Variants in ADAMTS19 observed in about 807,000 individuals in gnomAD.
ADAMTS19 encodes ADAM metallopeptidase with thrombospondin type 1 motif 19, also known as A disintegrin and metalloproteinase with thrombospondin motifs 19.
ADAMTS19 carries 93 observed loss-of-function variants against 153.3 expected under a neutral mutation model. The observed-to-expected ratio is 0.61, with a 90% CI of 0.51 to 0.72. The LOEUF is 0.72. Among genes scored for constraint, ADAMTS19 ranks in the 30% least tolerant of loss-of-function variants. ADAMTS19 has a pLI of 0.00. For missense variants in ADAMTS19, 1,482 were observed against 1,552.1 expected (o/e 0.95, Z 0.76); for synonymous variants, 600 against 556.6 (o/e 1.08, Z -1.10).
intron 7 of ADAMTS19, among the ~76,000 whole-genome samples, chr5:129,556,631 A>G (rs1190004456): frequency 6.6e-6 from 1 of 152,192 alleles, no homozygotes; most frequent in East Asian, 1.9e-4. Flanking sequence ...TGGTAGGCCC[A>G]GTGTTGTCAC....
chr5:129,498,153 G>T (rs1750985458), intron 2 of ADAMTS19, among the ~76,000 whole-genome samples: 1 of 151,920 alleles, frequency 6.6e-6, no homozygotes. Context: ...CTTGTATGTA[G>T]GTTTTCCTAA....
chr5:129,679,086 G>A (rs1271457863), intron 16 of ADAMTS19, among the ~76,000 whole-genome samples: 2 of 152,090 alleles, frequency 1.3e-5, no homozygotes, highest in Non-Finnish European at 2.9e-5. Context: ...ATTGTACACA[G>A]ATTAGCTCAA....
chr5:129,644,548 G>T (rs182315330), intron 11 of ADAMTS19, among the ~76,000 whole-genome samples: 1 of 152,100 alleles, frequency 6.6e-6, no homozygotes, highest in Non-Finnish European at 1.5e-5. Flanking sequence ...TTTGAACAAA[G>T]AGGTTTATAT....
intron 2 of ADAMTS19, among the ~76,000 whole-genome samples, chr5:129,485,307 A>G (rs778413717): frequency 6.6e-6 from 1 of 152,212 alleles, no homozygotes; most frequent in Non-Finnish European, 1.5e-5. Context: ...CTTAATGAAA[A>G]TGAGAGCAAA....
At chr5:129,462,016 ACT>A (rs1401438655) in intron 2 of ADAMTS19, among the ~76,000 whole-genome samples, 1 of 150,986 alleles carries the variant, frequency 6.6e-6, no homozygotes, top group Non-Finnish European at 1.5e-5. Flanking sequence ...ACTGCGTGAA[ACT>A]CTGCCTTTTC....
At chr5:129,676,949 T>G (rs975862100) in intron 16 of ADAMTS19, among the ~76,000 whole-genome samples, 1 of 152,146 alleles carries the variant, frequency 6.6e-6, no homozygotes, top group African/African-American at 2.4e-5. Context: ...CTGAAAATAT[T>G]TCTTTACATT....
chr5:129,595,268 C>T (rs1424159684), intron 7 of ADAMTS19, among the ~76,000 whole-genome samples: 1 of 152,010 alleles, frequency 6.6e-6, no homozygotes, highest in African/African-American at 2.4e-5. Flanking sequence ...TTTCCCTAGA[C>T]CATGTGTGCC....
At chr5:129,619,914 G>GTAGC (rs1246220448) in intron 8 of ADAMTS19, among the ~76,000 whole-genome samples, 2 of 151,940 alleles carry the variant, frequency 1.3e-5, no homozygotes, top group Non-Finnish European at 2.9e-5. Context: ...GTGGAACTTA[G>GTAGC]TAGCTAGCAA....
chr5:129,658,595 T>A, intron 14 of ADAMTS19, 22 bp from the exon 15 acceptor site: 3 of 1,609,036 alleles, frequency 1.9e-6, no homozygotes, highest in Non-Finnish European at 2.5e-6. Context: ...ATTTATGATG[T>A]GCTGTCACTC....
At chr5:129,617,233 T>A (rs73232325) in intron 8 of ADAMTS19, among the ~76,000 whole-genome samples, 3 of 152,192 alleles carry the variant, frequency 2.0e-5, no homozygotes, top group African/African-American at 7.2e-5. Context: ...TTTTCTGTTA[T>A]GAGTTAAATG....
intron 13 of ADAMTS19, among the ~76,000 whole-genome samples, chr5:129,652,347 A>C (rs1316242725): frequency 6.6e-6 from 1 of 152,238 alleles, no homozygotes; most frequent in Non-Finnish European, 1.5e-5. Flanking sequence ...TCTGTTATAT[A>C]ATACTTGAAT....
chr5:129,711,036 C>A (rs1448651630), intron 21 of ADAMTS19, among the ~76,000 whole-genome samples: 1 of 152,102 alleles, frequency 6.6e-6, no homozygotes, highest in Non-Finnish European at 1.5e-5. Context: ...AAATACACTA[C>A]CCCAATTAAA....
chr5:129,610,434 C>T (rs1410360024), intron 8 of ADAMTS19, among the ~76,000 whole-genome samples: 1 of 152,014 alleles, frequency 6.6e-6, no homozygotes, highest in Non-Finnish European at 1.5e-5. Context: ...TGCTATCCTT[C>T]CCCCCTCTAC....
At chr5:129,603,693 T>A (rs2126935827) in intron 8 of ADAMTS19, among the ~76,000 whole-genome samples, 1 of 152,276 alleles carries the variant, frequency 6.6e-6, no homozygotes, top group Non-Finnish European at 1.5e-5. Context: ...TCTGGACATT[T>A]ATTGAAGTGC....
At chr5:129,734,782 T>A (rs1191922210) in intron 21 of ADAMTS19, 150 bp from the exon 22 acceptor site, 2 of 658,036 alleles carry the variant, frequency 3.0e-6, no homozygotes, top group African/African-American at 3.8e-5. Flanking sequence ...AGCATCAATG[T>A]TTCTGACCCA....
At chr5:129,549,365 A>T (rs1266141568) in intron 6 of ADAMTS19, among the ~76,000 whole-genome samples, 10 of 151,646 alleles carry the variant, frequency 6.6e-5, no homozygotes, top group Non-Finnish European at 1.5e-4. Flanking sequence ...GAGAAAATGG[A>T]TGTTGAAAAC....
intron 13 of ADAMTS19, 126 bp downstream of exon 13, chr5:129,649,096 C>T: frequency 2.2e-6 from 2 of 907,204 alleles, no homozygotes; most frequent in Non-Finnish European, 3.3e-6. Flanking sequence ...TTTTTTCTAC[C>T]TGTATGGACA....
chr5:129,537,794 G>A (rs1752506019), intron 6 of ADAMTS19, among the ~76,000 whole-genome samples: 1 of 151,912 alleles, frequency 6.6e-6, no homozygotes, highest in Non-Finnish European at 1.5e-5. Context: ...GGGAAGGGGG[G>A]AGGGATAGCA....
chr5:129,684,381 T>G, intron 18 of ADAMTS19, 108 bp downstream of exon 18: 1 of 1,395,754 alleles, frequency 7.2e-7, no homozygotes, highest in East Asian at 2.5e-5. Context: ...CCAAAATCCA[T>G]AAAGAGTTAG....
Sources: allele counts gnomAD v4.1 joint callset (sites outside exome capture counted in the v4.1 genomes callset), GRCh38; gene constraint gnomAD v4.1.1; transcripts MANE v1.5; gene names NCBI Gene and HGNC (gene_info 2026-07-23, HGNC 2026-07-21).